ERC2: variants seen among roughly 807,000 people sequenced by gnomAD.
ERC2 encodes ERC protein 2.
ERC2 carries 42 observed loss-of-function variants against 114.8 expected under a neutral mutation model. The observed-to-expected ratio is 0.37, with a 90% CI of 0.29 to 0.47. The LOEUF (loss-of-function observed/expected upper bound fraction) is 0.47. Among genes scored for constraint, ERC2 ranks in the 20% least tolerant of loss-of-function variants. The pLI, the probability that ERC2 is intolerant of heterozygous loss-of-function variation, is 0.99. For missense variants in ERC2, 939 were observed against 1,150.7 expected, an observed-to-expected ratio of 0.82 and a Z score of 2.66; for synonymous variants, 454 against 425.5, an observed-to-expected ratio of 1.07 and a Z score of -0.82.
intron 2 of ERC2, among the ~76,000 whole-genome samples, chr3:56,330,206 G>T (rs1014711760): frequency 2.6e-5 from 4 of 151,880 alleles, no homozygotes; most frequent in African/African-American, 9.7e-5. Flanking sequence ...GCTAATTTTT[G>T]AATTTATTTT....
At chr3:55,556,644 C>T (rs2055630694) in intron 17 of ERC2, among the ~76,000 whole-genome samples, 1 of 152,198 alleles carries the variant, frequency 6.6e-6, no homozygotes, top group Non-Finnish European at 1.5e-5. Context: ...TGATGGCTGG[C>T]AGCCATTTGC....
chr3:56,196,334 T>A (rs2048102625), intron 3 of ERC2, among the ~76,000 whole-genome samples: 1 of 152,162 alleles, frequency 6.6e-6, no homozygotes. Flanking sequence ...GTCCACTATA[T>A]CTTTTGTGAT....
At chr3:55,700,884 C>T (rs2148826895) in intron 15 of ERC2, among the ~76,000 whole-genome samples, 1 of 152,226 alleles carries the variant, frequency 6.6e-6, no homozygotes, top group South Asian at 2.1e-4. Context: ...ATAATACATG[C>T]TGCTGTAATG....
chr3:56,414,214 AC>A (rs1276909734), intron 2 of ERC2, among the ~76,000 whole-genome samples: 5 of 152,120 alleles, frequency 3.3e-5, no homozygotes, highest in East Asian at 1.9e-4. Flanking sequence ...TCTACTGGGA[AC>A]TTTTCTGCCT....
intron 14 of ERC2, among the ~76,000 whole-genome samples, chr3:55,874,289 G>C (rs533587372): frequency 6.6e-6 from 1 of 152,136 alleles, no homozygotes; most frequent in Non-Finnish European, 1.5e-5. Flanking sequence ...AAGGCGGGGA[G>C]GCTTTTCTTT....
At chr3:55,900,822 T>TA (rs2064095518) in intron 13 of ERC2, among the ~76,000 whole-genome samples, 1 of 152,230 alleles carries the variant, frequency 6.6e-6, no homozygotes, top group African/African-American at 2.4e-5. Context: ...AAAGGAGCCA[T>TA]ACTGTAGAAA....
chr3:55,533,595 T>G, intron 17 of ERC2, among the ~76,000 whole-genome samples: 1 of 150,600 alleles, frequency 6.6e-6, no homozygotes, highest in Non-Finnish European at 1.5e-5. Flanking sequence ...AGAGAGGAGG[T>G]GAGAAAGGAA....
rs546258478 is a variant in ERC2, at chr3:55,717,847, T to A, written c.2712+16924A>T. On this transcript the variant is annotated intron_variant, in intron 15 of 17. Coordinates refer to ENST00000288221, the MANE Select transcript of ERC2 (RefSeq NM_015576.3). ...GTGAGGATAATAATCTACAAATCAATCCACAGATCGTGCAGAAGGGAGGAA... is the reference window on the plus strand; with the variant it reads ...GTGAGGATAATAATCTACAAATCAAACCACAGATCGTGCAGAAGGGAGGAA... 2.6e-5 allele frequency among the ~76,000 whole-genome samples: 4 copies of A among 152,248 alleles called. No homozygotes were observed. In the South Asian group the frequency reaches 6.2e-4, roughly 24 times the overall value.
At chr3:55,669,839 C>G (rs1271114274) in intron 17 of ERC2, among the ~76,000 whole-genome samples, 1 of 152,178 alleles carries the variant, frequency 6.6e-6, no homozygotes, top group East Asian at 1.9e-4. Flanking sequence ...AATGCAAAGC[C>G]CAGCACTCAA....
At chr3:56,467,983 G>C (rs1217709376) in intron 1 of ERC2, among the ~76,000 whole-genome samples, 3 of 152,196 alleles carry the variant, frequency 2.0e-5, no homozygotes, top group Admixed American at 6.5e-5. Flanking sequence ...GGGCTAGCGA[G>C]CGGCGCCCGC....
intron 13 of ERC2, among the ~76,000 whole-genome samples, chr3:55,921,796 C>T (rs1177051953): frequency 6.6e-6 from 1 of 152,000 alleles, no homozygotes; most frequent in African/African-American, 2.4e-5. Flanking sequence ...CAATTGGGAA[C>T]ATCAAAAAAG....
At chr3:56,339,288 G>A (rs7641043) in intron 2 of ERC2, among the ~76,000 whole-genome samples, 92,237 of 151,936 alleles carry the variant, frequency 0.61, 28,470 homozygotes, top group South Asian at 0.7. Flanking sequence ...AGAGGGAAGT[G>A]TTAGGGAAGA....
At chr3:56,105,652 T>C (rs2078614161) in intron 6 of ERC2, among the ~76,000 whole-genome samples, 1 of 152,168 alleles carries the variant, frequency 6.6e-6, no homozygotes, top group Non-Finnish European at 1.5e-5. Context: ...AAGACAGAAC[T>C]AGACTTACGT....
intron 2 of ERC2, among the ~76,000 whole-genome samples, chr3:56,417,535 C>T (rs2061214455): frequency 6.6e-6 from 1 of 152,136 alleles, no homozygotes; most frequent in Non-Finnish European, 1.5e-5. Context: ...CTCATCTGAA[C>T]TTGGTTTCAA....
intron 17 of ERC2, among the ~76,000 whole-genome samples, chr3:55,605,504 G>A (rs1383321270): frequency 6.6e-6 from 1 of 152,096 alleles, no homozygotes; most frequent in African/African-American, 2.4e-5. Context: ...AATCTATAAT[G>A]TGATGATAAC....
chr3:55,861,145 A>C (rs898325901), intron 14 of ERC2, among the ~76,000 whole-genome samples: 1 of 152,234 alleles, frequency 6.6e-6, no homozygotes, highest in African/African-American at 2.4e-5. Flanking sequence ...ATTAGTTCTA[A>C]CTAGATCAAA....
chr3:55,773,204 G>A (rs550298356), intron 14 of ERC2, among the ~76,000 whole-genome samples: 2 of 152,138 alleles, frequency 1.3e-5, no homozygotes, highest in South Asian at 2.1e-4. Flanking sequence ...CTTGCCTAAC[G>A]TTATTTCTAC....
At chr3:56,007,125 C>T in intron 10 of ERC2, 56 bp downstream of exon 10, 1 of 1,475,352 alleles carries the variant, frequency 6.8e-7, no homozygotes, top group Non-Finnish European at 9.1e-7. Flanking sequence ...CTTCCTGTTC[C>T]ATTTTATAAA....
At chr3:56,203,796 A>T (rs960939230) in intron 3 of ERC2, among the ~76,000 whole-genome samples, 8 of 152,222 alleles carry the variant, frequency 5.3e-5, no homozygotes, top group Non-Finnish European at 1.0e-4. Context: ...ATAAGTGCTA[A>T]CTGAGTGATA....
Sources: allele counts gnomAD v4.1 joint callset (sites outside exome capture counted in the v4.1 genomes callset), GRCh38; gene constraint gnomAD v4.1.1; transcripts MANE v1.5; gene names NCBI Gene and HGNC (gene_info 2026-07-23, HGNC 2026-07-21).